Variants in ADGRB3 observed in about 807,000 individuals in gnomAD.
ADGRB3 encodes adhesion G protein-coupled receptor B3.
Under a neutral mutation model 193.4 loss-of-function variants are expected in ADGRB3, and 37 were observed. The ratio of observed to expected loss-of-function variants is 0.19; its 90% CI spans 0.15 to 0.25. The LOEUF (loss-of-function observed/expected upper bound fraction) is 0.25. Among genes scored for constraint, ADGRB3 ranks in the 10% least tolerant of loss-of-function variants. The pLI is 1.00. For synonymous variants in ADGRB3, 690 were observed against 644.2 expected (o/e 1.07, Z -1.08); for missense variants, 1,637 against 1,852.9 (o/e 0.88, Z 2.14).
chr6:68,709,853 CTTGGTGAAA>C (rs1765381496), intron 3 of ADGRB3, among the ~76,000 whole-genome samples: 1 of 152,140 alleles, frequency 6.6e-6, no homozygotes, highest in South Asian at 2.1e-4. Flanking sequence ...GTATTTCTCT[CTTGGTGAAA>C]TAATTACGTG....
intron 17 of ADGRB3, among the ~76,000 whole-genome samples, chr6:69,145,456 A>G (rs185256992): frequency 6.6e-6 from 1 of 152,286 alleles, no homozygotes; most frequent in Non-Finnish European, 1.5e-5. Context: ...GGGAGCTCCT[A>G]GGTCTGGAAC....
At chr6:69,027,051 C>T (rs1770451985) in intron 13 of ADGRB3, among the ~76,000 whole-genome samples, 1 of 152,122 alleles carries the variant, frequency 6.6e-6, no homozygotes, top group Non-Finnish European at 1.5e-5. Context: ...TTAACTTCAG[C>T]TAACTGCAAC....
At chr6:68,911,952 T>C (rs1766725345) in intron 3 of ADGRB3, among the ~76,000 whole-genome samples, 1 of 151,806 alleles carries the variant, frequency 6.6e-6, no homozygotes, top group African/African-American at 2.4e-5. Flanking sequence ...TTAAGGGAAG[T>C]GGAAAATTCT....
At chr6:68,699,061 CATTT>C (rs1179931928) in intron 3 of ADGRB3, among the ~76,000 whole-genome samples, 13 of 151,996 alleles carry the variant, frequency 8.6e-5, no homozygotes, top group African/African-American at 2.7e-4. Flanking sequence ...TAAAATGAAT[CATTT>C]ATTTATACTG....
At position 68,660,476 on chromosome 6, in the gene ADGRB3, G is replaced by T. The variant is rs1768602280; in HGVS notation, c.757+21044G>T. 2.0e-5 allele frequency among the ~76,000 whole-genome samples: 3 copies of T among 150,762 alleles called. No homozygotes were observed. In the South Asian group the frequency reaches 6.2e-4, roughly 31 times the overall value. ...TAATCATTATACACACAATTACCTT[G>T]TGTAGGCCATACCAGAAGTTAATGA... On this transcript the variant is annotated intron_variant, in intron 3 of 31. Transcript: ENST00000370598.
intron 17 of ADGRB3, among the ~76,000 whole-genome samples, chr6:69,130,804 T>C (rs115199495): frequency 1.5e-3 from 230 of 152,150 alleles, no homozygotes; most frequent in African/African-American, 5.1e-3. Flanking sequence ...TTCAGCTCTT[T>C]AATGCCTGTC....
chr6:68,870,044 G>C (rs1257462327), intron 3 of ADGRB3, among the ~76,000 whole-genome samples: 3 of 152,216 alleles, frequency 2.0e-5, no homozygotes, highest in East Asian at 3.8e-4. Flanking sequence ...CTCCCCAAGT[G>C]CTGGGATTAC....
At chr6:68,782,135 C>A (rs1333422793) in intron 3 of ADGRB3, among the ~76,000 whole-genome samples, 2 of 117,276 alleles carry the variant, frequency 1.7e-5, no homozygotes, top group African/African-American at 3.3e-5. Context: ...CCCCACCCCA[C>A]AACAGTCCCT....
At chr6:69,286,380 G>A (rs374609530) in intron 20 of ADGRB3, among the ~76,000 whole-genome samples, 53 of 151,730 alleles carry the variant, frequency 3.5e-4, no homozygotes, top group African/African-American at 1.2e-3. Flanking sequence ...TTAATCCTGG[G>A]CCCTCTTGCT....
At chr6:69,255,206 C>A (rs1766731149) in intron 20 of ADGRB3, among the ~76,000 whole-genome samples, 1 of 152,112 alleles carries the variant, frequency 6.6e-6, no homozygotes, top group African/African-American at 2.4e-5. Context: ...GAGTTAGAGT[C>A]CTTTGGGTAT....
chr6:68,757,762 A>T (rs1766324256), intron 3 of ADGRB3, among the ~76,000 whole-genome samples: 1 of 152,056 alleles, frequency 6.6e-6, no homozygotes, highest in Admixed American at 6.6e-5. Context: ...CCCATATCTT[A>T]TTGTGTCCCT....
intron 3 of ADGRB3, among the ~76,000 whole-genome samples, chr6:68,836,780 A>T (rs78047529): frequency 6.6e-6 from 1 of 152,290 alleles, no homozygotes; most frequent in Non-Finnish European, 1.5e-5. Context: ...GCCTGAGCCC[A>T]GAAGTTTGAG....
intron 3 of ADGRB3, among the ~76,000 whole-genome samples, chr6:68,855,319 G>T (rs972917634): frequency 1.3e-5 from 2 of 152,054 alleles, no homozygotes; most frequent in Non-Finnish European, 2.9e-5. Context: ...TCTTCAAATA[G>T]TTTCCTGTCC....
chr6:68,826,390 T>C (rs1163332004), intron 3 of ADGRB3, among the ~76,000 whole-genome samples: 1 of 152,082 alleles, frequency 6.6e-6, no homozygotes, highest in African/African-American at 2.4e-5. Flanking sequence ...ACAAATGCCC[T>C]GAAGTGTTAG....
At chr6:69,044,614 C>G (rs975148632) in intron 13 of ADGRB3, among the ~76,000 whole-genome samples, 1 of 152,144 alleles carries the variant, frequency 6.6e-6, no homozygotes, top group African/African-American at 2.4e-5. Context: ...ACATGATGCT[C>G]TTAAAGGAAT....
intron 29 of ADGRB3, among the ~76,000 whole-genome samples, chr6:69,368,152 A>G (rs1001824489): frequency 2.0e-5 from 3 of 152,146 alleles, no homozygotes; most frequent in Admixed American, 6.5e-5. Flanking sequence ...TAATATTAAA[A>G]AAAAAGATTG....
chr6:69,024,684 A>T (rs2785570), intron 13 of ADGRB3, among the ~76,000 whole-genome samples: 1 of 152,210 alleles, frequency 6.6e-6, no homozygotes, highest in East Asian at 1.9e-4. Flanking sequence ...AATCTAAAAC[A>T]TATCAATTTA....
chr6:69,297,408 CTCTATA>C (rs1484556796), intron 20 of ADGRB3, among the ~76,000 whole-genome samples: 15 of 141,520 alleles, frequency 1.1e-4, no homozygotes, highest in African/African-American at 2.9e-4. Context: ...CTCTCTCTCT[CTCTATA>C]TATATATATA....
chr6:69,115,823 A>G (rs972469816), intron 17 of ADGRB3, among the ~76,000 whole-genome samples: 1 of 152,224 alleles, frequency 6.6e-6, no homozygotes, highest in Non-Finnish European at 1.5e-5. Context: ...AGGATTGAGC[A>G]TGGCTGGCAT....
Sources: allele counts gnomAD v4.1 joint callset (sites outside exome capture counted in the v4.1 genomes callset), GRCh38; gene constraint gnomAD v4.1.1; transcripts MANE v1.5; gene names NCBI Gene and HGNC (gene_info 2026-07-23, HGNC 2026-07-21).